ITK: variants seen among roughly 807,000 people sequenced by gnomAD.
ITK encodes IL2 inducible T cell kinase.
A neutral mutation model predicts 87.6 loss-of-function variants in ITK; 45 were observed. That is an observed-to-expected ratio of 0.51 (90% CI 0.40 to 0.66). The LOEUF (loss-of-function observed/expected upper bound fraction) is 0.66. ITK is among the 30% of genes least tolerant of loss of function. The probability of loss-of-function intolerance (pLI) is 0.00; values close to 1 mark genes in which losing one functional copy is unlikely to be tolerated. For synonymous variants in ITK, 303 were observed against 273.6 expected (o/e 1.11, Z -1.06); for missense variants, 605 against 766.3 (o/e 0.79, Z 2.48).
At chr5:157,209,531 A>T (rs1684772527) in intron 2 of ITK, among the ~76,000 whole-genome samples, 1 of 152,138 alleles carries the variant, frequency 6.6e-6, no homozygotes, top group Non-Finnish European at 1.5e-5. Flanking sequence ...GTTATTCCTT[A>T]TACCCCTTTC....
intron 2 of ITK, 60 bp from the exon 3 acceptor site, chr5:157,211,227 C>A (rs1760147129): frequency 2.1e-6 from 3 of 1,402,974 alleles, no homozygotes; most frequent in African/African-American, 1.4e-5. Context: ...AGTAGGTCTG[C>A]TGTCAGTCAA....
rs114982048 is a variant in ITK, at chr5:157,200,506, G to A, written c.139-8383G>A. Among the ~76,000 whole-genome samples the A allele has an allele frequency of 4.1e-3, 628 of 152,182 alleles. 5 individuals carry two copies. The highest frequency in any genetic ancestry group is 0.014 in the African/African-American group (591 of 41,498). On this transcript the variant is annotated intron_variant, in intron 1 of 16. Coordinates refer to ENST00000422843, the MANE Select transcript of ITK (RefSeq NM_005546.4). ...CCTTTCCCAGAGACTGAACTGTGTCGGGCTCATTGACCAGCCACCCCCCGG... is the reference window on the plus strand; with the variant it reads ...CCTTTCCCAGAGACTGAACTGTGTCAGGCTCATTGACCAGCCACCCCCCGG...
chr5:157,251,430 T>G (rs1444801540), intron 16 of ITK, among the ~76,000 whole-genome samples: 1 of 152,244 alleles, frequency 6.6e-6, no homozygotes, highest in African/African-American at 2.4e-5. Flanking sequence ...TTGCAAAATT[T>G]TCTCCTAGTC....
chr5:157,218,978 A>G (rs1182800785), intron 5 of ITK, among the ~76,000 whole-genome samples: 4 of 152,076 alleles, frequency 2.6e-5, no homozygotes, highest in African/African-American at 7.2e-5. Flanking sequence ...CTTAGATGGC[A>G]TAGTACCTAC....
intron 11 of ITK, among the ~76,000 whole-genome samples, chr5:157,242,579 G>T (rs13168833): frequency 0.016 from 2,485 of 152,020 alleles, 29 homozygotes; most frequent in Non-Finnish European, 0.027. Context: ...GGGCTCAAGC[G>T]ATCCTCCCAC....
At chr5:157,184,087 T>A (rs898262450) in intron 1 of ITK, among the ~76,000 whole-genome samples, 1 of 152,156 alleles carries the variant, frequency 6.6e-6, no homozygotes, top group Non-Finnish European at 1.5e-5. Context: ...GAAGCATAGA[T>A]TTGGCAGGTG....
chr5:157,248,243 A>G (rs1293436436), intron 15 of ITK, among the ~76,000 whole-genome samples: 3 of 152,230 alleles, frequency 2.0e-5, no homozygotes, highest in Non-Finnish European at 4.4e-5. Context: ...AGCACATGAT[A>G]AAGACAAAGC....
Position 157,207,121 on chromosome 5 carries a change from A to C in ITK, c.139-1768A>C, listed in dbSNP as rs190992412. On this transcript the variant is annotated intron_variant, in intron 1 of 16. Coordinates refer to ENST00000422843, the MANE Select transcript of ITK (RefSeq NM_005546.4). Reference sequence around the variant, plus strand: ...TATAACCATGGTCATCTGAAATGCTATGATAGACAACCTAAGTCTTTTAAT... The same window carrying C: ...TATAACCATGGTCATCTGAAATGCTCTGATAGACAACCTAAGTCTTTTAAT... Among the ~76,000 whole-genome samples, 4 of 152,280 alleles carry C rather than the reference A, an allele frequency of 2.6e-5. No individual in the cohort carries two copies. The East Asian group carries it at 7.7e-4, about 29-fold the overall frequency.
chr5:157,197,369 T>C (rs1753873909), intron 1 of ITK, among the ~76,000 whole-genome samples: 1 of 152,358 alleles, frequency 6.6e-6, no homozygotes, highest in African/African-American at 2.4e-5. Flanking sequence ...TCCTCTCCCA[T>C]AATCATCTAA....
chr5:157,244,177 C>A (rs1754971907), intron 12 of ITK, 85 bp from the exon 13 acceptor site: 3 of 1,042,488 alleles, frequency 2.9e-6, no homozygotes, highest in Non-Finnish European at 3.0e-6. Context: ...ACAAAATGAC[C>A]ATTGGCTATT....
chr5:157,251,204 T>A (rs1287827054), intron 16 of ITK, among the ~76,000 whole-genome samples: 1 of 152,256 alleles, frequency 6.6e-6, no homozygotes, highest in African/African-American at 2.4e-5. Context: ...CTAATAGATG[T>A]GTAGTCATAT....
chr5:157,185,413 A>AT (rs565657667), intron 1 of ITK, among the ~76,000 whole-genome samples: 14 of 149,880 alleles, frequency 9.3e-5, no homozygotes, highest in South Asian at 2.1e-4. Flanking sequence ...TAATTTTTGT[A>AT]TTTTTTTTTA....
In ITK at chr5:157,197,350, A is replaced by T. The variant is rs573763849; in HGVS notation, c.139-11539A>T. On this transcript the variant is annotated intron_variant, in intron 1 of 16. Coordinates refer to ENST00000422843, the MANE Select transcript of ITK (RefSeq NM_005546.4). ...TTCGCACACCCAGCATTTGATGCAT[A>T]CCCCTTATTCCTCTCCCATAATCAT... is the stretch of plus-strand genomic sequence containing the variant. 7.9e-5 allele frequency among the ~76,000 whole-genome samples: 12 copies of T among 152,302 alleles called. No individual in the cohort carries two copies. In the South Asian group the frequency reaches 2.1e-3, roughly 26 times the overall value.
intron 1 of ITK, among the ~76,000 whole-genome samples, chr5:157,192,408 G>C (rs772144332): frequency 3.9e-5 from 6 of 152,196 alleles, no homozygotes; most frequent in Admixed American, 6.5e-5. Context: ...CTGTTCCGTA[G>C]AAGTTAGTTT....
intron 6 of ITK, among the ~76,000 whole-genome samples, chr5:157,226,352 T>C (rs1029020418): frequency 1.3e-5 from 2 of 152,064 alleles, no homozygotes; most frequent in East Asian, 3.9e-4. Context: ...GACCCAGCTT[T>C]GGGTGGCATA....
intron 6 of ITK, among the ~76,000 whole-genome samples, chr5:157,225,685 C>T (rs559119725): frequency 1.4e-3 from 206 of 152,222 alleles, no homozygotes; most frequent in Non-Finnish European, 2.4e-3. Context: ...GACCCCAACT[C>T]CCCTCGTCTG....
At chr5:157,187,408 G>T (rs1753666342) in intron 1 of ITK, among the ~76,000 whole-genome samples, 1 of 152,172 alleles carries the variant, frequency 6.6e-6, no homozygotes, top group African/African-American at 2.4e-5. Context: ...AAGAAAGGAG[G>T]GAGTAAGGAC....
At chr5:157,184,263 C>A (rs889982536) in intron 1 of ITK, among the ~76,000 whole-genome samples, 4 of 152,108 alleles carry the variant, frequency 2.6e-5, no homozygotes, top group African/African-American at 9.7e-5. Flanking sequence ...TGTTGGAGAG[C>A]CCTGATTCAT....
intron 5 of ITK, among the ~76,000 whole-genome samples, 173 bp downstream of exon 5, chr5:157,218,080 TG>T (rs35975420): frequency 3.9e-5 from 6 of 152,170 alleles, no homozygotes; most frequent in African/African-American, 7.2e-5. Context: ...TGAACTCTCT[TG>T]GGGGGTCTGT....
Sources: allele counts gnomAD v4.1 joint callset (sites outside exome capture counted in the v4.1 genomes callset), GRCh38; gene constraint gnomAD v4.1.1; transcripts MANE v1.5; gene names NCBI Gene and HGNC (gene_info 2026-07-23, HGNC 2026-07-21).